The following LRRK2 variants were observed in gnomAD, a reference collection of about 807,000 sequenced individuals.
LRRK2 encodes leucine rich repeat kinase 2, also known as leucine-rich repeat serine/threonine-protein kinase 2.
LRRK2 carries 203 observed loss-of-function variants against 302.6 expected under a neutral mutation model. The ratio of observed to expected loss-of-function variants is 0.67; its 90% CI spans 0.60 to 0.75. The LOEUF (loss-of-function observed/expected upper bound fraction) is 0.75. Ranked by LOEUF, LRRK2 falls within the 30% of genes least tolerant of loss-of-function variation. LRRK2 has a pLI of 0.00. For synonymous variants in LRRK2, 1,066 were observed against 1,031.9 expected (o/e 1.03, Z -0.63); for missense variants, 2,830 against 2,951.0 (o/e 0.96, Z 0.95).
intron 31 of LRRK2, among the ~76,000 whole-genome samples, chr12:40,313,552 T>A (rs1405923870): frequency 6.6e-6 from 1 of 152,068 alleles, no homozygotes; most frequent in African/African-American, 2.4e-5. Context: ...ATATTTTACC[T>A]TGAATATTTA....
At chr12:40,360,334 A>G (rs1269816890) in intron 47 of LRRK2, among the ~76,000 whole-genome samples, 1 of 152,124 alleles carries the variant, frequency 6.6e-6, no homozygotes. Context: ...ACCTTAGGGA[A>G]TATCCTGGTT....
rs998028502 is a variant in LRRK2 at position 40,318,913 on chromosome 12, A to G, written c.4828-1075A>G. 3.3e-5 allele frequency among the ~76,000 whole-genome samples: 5 copies of G among 152,098 alleles called. No homozygotes were observed. The East Asian group carries it at 5.8e-4, about 18-fold the overall frequency. On this transcript the variant is annotated intron_variant, in intron 33 of 50. Transcript: ENST00000298910. ...CATTGCACACTGTCATTAAATACCA[A>G]TATGTTCAATCAACCATGCATTCAT...
intron 6 of LRRK2, among the ~76,000 whole-genome samples, chr12:40,241,324 G>T (rs1467857039): frequency 6.6e-6 from 1 of 152,184 alleles, no homozygotes; most frequent in Non-Finnish European, 1.5e-5. Context: ...GAATTTTATT[G>T]TGACTCTTGA....
intron 25 of LRRK2, among the ~76,000 whole-genome samples, chr12:40,302,221 A>G (rs994058309): frequency 6.6e-6 from 1 of 151,976 alleles, no homozygotes; most frequent in Non-Finnish European, 1.5e-5. Flanking sequence ...TAAAAAAATC[A>G]TAAAATATAC....
At chr12:40,350,822 TA>T (rs1273714403) in intron 43 of LRRK2, among the ~76,000 whole-genome samples, 1 of 152,200 alleles carries the variant, frequency 6.6e-6, no homozygotes, top group Admixed American at 6.5e-5. Flanking sequence ...TTTTCAATTA[TA>T]CTTCACCTAT....
chr12:40,290,168 C>T (rs374050644), intron 20 of LRRK2, among the ~76,000 whole-genome samples: 2 of 152,104 alleles, frequency 1.3e-5, no homozygotes, highest in African/African-American at 4.8e-5. Flanking sequence ...TCTTCAGCAT[C>T]TGCTGAGGTA....
intron 20 of LRRK2, among the ~76,000 whole-genome samples, chr12:40,291,158 T>C (rs1036211842): frequency 2.0e-4 from 31 of 152,068 alleles, no homozygotes; most frequent in African/African-American, 7.2e-4. Context: ...AAACCATCGT[T>C]CTCAGCAAAC....
chr12:40,364,969 C>G lies in LRRK2; in HGVS notation c.7309C>G (p.Leu2437Val). ...IGTGGGHILL[L>V]DLSTRRLIRV... The stretch of plus-strand genomic sequence containing the variant: ...AACTGGAGGAGGCCATATTTTACTC[C>G]TGGATCTTTCAACTCGTCGACTTAT... The change falls in exon 49 of 51, where the codon CTG becomes GTG. Residue 2437 changes from leucine (L) to valine (V), a missense_variant. This residue lies in a region of LRRK2 where 456 missense variants were observed against 456.3 expected (regional missense o/e 1.00). Transcript: ENST00000298910. 3 of 1,612,644 alleles carry G rather than the reference C, an allele frequency of 1.9e-6. No homozygotes were observed.
At chr12:40,289,473 T>C (rs1183041541) in intron 20 of LRRK2, among the ~76,000 whole-genome samples, 2 of 150,044 alleles carry the variant, frequency 1.3e-5, no homozygotes, top group Non-Finnish European at 3.0e-5. Context: ...AGATTTTATA[T>C]AGAATTTATT....
chr12:40,238,009 T>C lies in LRRK2; in HGVS notation c.477T>C (p.Ile159=), dbSNP rs1941548073. The change falls in exon 5 of 51, where the codon ATT becomes ATC. Residue 159 remains isoleucine, a synonymous_variant. Coordinates refer to ENST00000298910, the MANE Select transcript of LRRK2 (RefSeq NM_198578.4). ...TLLILDEESD[I]FMLIFDAMHS... is the part of the protein sequence containing the mutation. ...TGATATTGGATGAAGAAAGTGATATTTTCATGTTAATTTTTGATGCCATGC... is the reference window on the plus strand; with the variant it reads ...TGATATTGGATGAAGAAAGTGATATCTTCATGTTAATTTTTGATGCCATGC... 1 of 1,613,278 alleles carries C rather than the reference T, an allele frequency of 6.2e-7. No homozygotes were observed. The highest frequency in any genetic ancestry group is 8.5e-7 in the Non-Finnish European group (1 of 1,179,432).
chr12:40,289,531 A>G (rs1006655616), intron 20 of LRRK2, among the ~76,000 whole-genome samples: 2 of 148,988 alleles, frequency 1.3e-5, no homozygotes, highest in Non-Finnish European at 3.0e-5. Context: ...TCTATAATAT[A>G]TAATTAATAC....
chr12:40,273,428 AG>A (rs1943318808), intron 14 of LRRK2, among the ~76,000 whole-genome samples: 1 of 152,194 alleles, frequency 6.6e-6, no homozygotes, highest in African/African-American at 2.4e-5. Context: ...ACACAGGGTG[AG>A]AAACTGATGC....
At chr12:40,243,422 A>ATGTT in intron 6 of LRRK2, 128 bp from the exon 7 acceptor site, 1 of 970,458 alleles carries the variant, frequency 1.0e-6, no homozygotes, top group Non-Finnish European at 1.6e-6. Context: ...AAAGAACATG[A>ATGTT]TGTTTAAATT....
At chr12:40,230,668 CTTTTT>C (rs3057613) in intron 2 of LRRK2, among the ~76,000 whole-genome samples, 2 of 135,320 alleles carry the variant, frequency 1.5e-5, no homozygotes, top group Admixed American at 7.4e-5. Context: ...TGCACTTTCT[CTTTTT>C]TTTTTTTTTT....
chr12:40,359,132 TG>T (rs1395674754), intron 46 of LRRK2, 127 bp from the exon 47 acceptor site: 1 of 801,670 alleles, frequency 1.2e-6, no homozygotes, highest in African/African-American at 1.7e-5. Flanking sequence ...TTTAGGTTTT[TG>T]AGTTTTAATT....
Position 40,259,531 on chromosome 12 carries a change from T to C in LRRK2, c.1470T>C (p.Val490=), listed in dbSNP as rs1942677423. The change falls in exon 13 of 51, where the codon GTT becomes GTC. Residue 490 remains valine (V), a synonymous_variant. Coordinates refer to ENST00000298910, the MANE Select transcript of LRRK2 (RefSeq NM_198578.4). ...CAGTGGTCCCCAAAATACTAACAGT[T>C]ATGAAACGTCATGAGACATCATTAC... ...MAAVVPKILT[V]MKRHETSLPV... is the part of the protein sequence containing the mutation. 6.2e-7 allele frequency: 1 copy of C among 1,613,426 alleles called. No homozygotes were observed. Among genetic ancestry groups the C allele is most frequent in the Admixed American group, 1.7e-5 (1 of 59,946 alleles).
intron 3 of LRRK2, among the ~76,000 whole-genome samples, chr12:40,233,381 T>C (rs1323062353): frequency 1.3e-5 from 2 of 152,324 alleles, no homozygotes; most frequent in African/African-American, 2.4e-5. Context: ...GGTGTTTGTA[T>C]TGCTGATCAG....
intron 49 of LRRK2, chr12:40,365,429 A>C: frequency 5.6e-6 from 1 of 179,422 alleles, no homozygotes; most frequent in African/African-American, 2.4e-5. Flanking sequence ...AAAGAATCTC[A>C]TTTGGTTTTT....
chr12:40,295,189 C>T lies in LRRK2; in HGVS notation c.2879-238C>T, dbSNP rs1261122470. On this transcript the variant is annotated intron_variant, in intron 22 of 50. Transcript: ENST00000298910. Reference sequence around the variant, plus strand: ...ACCTCCACCAAGGCCACTCTTCATCCTCTCCTCCAGTTTTCTTTCTTTCTT... The same window carrying T: ...ACCTCCACCAAGGCCACTCTTCATCTTCTCCTCCAGTTTTCTTTCTTTCTT... 1.3e-5 allele frequency among the ~76,000 whole-genome samples: 2 copies of T among 151,710 alleles called. 1 individual carries two copies. Among genetic ancestry groups the T allele is most frequent in the Admixed American group, 1.3e-4 (2 of 15,206 alleles).
Sources: gnomAD v4.1 joint callset for allele counts (sites outside exome capture counted in the v4.1 genomes callset) on GRCh38, gnomAD v4.1.1 for gene constraint, gnomAD v4.1.1 regional missense constraint, MANE v1.5 for transcripts, NCBI Gene and HGNC (gene_info 2026-07-23, HGNC 2026-07-21) for gene names.